Variants in PLEKHG5 observed in about 807,000 individuals in gnomAD.
PLEKHG5 encodes the protein pleckstrin homology and RhoGEF domain containing G5, also known as pleckstrin homology domain-containing family G member 5.
Under a neutral mutation model 103.8 loss-of-function variants are expected in PLEKHG5, and 52 were observed. That is an observed-to-expected ratio of 0.50 (90% CI 0.40 to 0.63). PLEKHG5 has a LOEUF of 0.63. Among genes scored for constraint, PLEKHG5 ranks in the 30% least tolerant of loss-of-function variants. PLEKHG5 has a pLI of 0.00. For missense variants in PLEKHG5, 1,205 were observed against 1,347.6 expected (o/e 0.89, Z 1.66); for synonymous variants, 592 against 575.5 (o/e 1.03, Z -0.41).
At chr1:6,474,389 C>G in intron 6 of PLEKHG5, 62 bp downstream of exon 6, 1 of 1,591,782 alleles carries the variant, frequency 6.3e-7, no homozygotes, top group Non-Finnish European at 8.6e-7. Flanking sequence ...CTGGGAAGGG[C>G]GCCCATCTCC....
In PLEKHG5 at chr1:6,487,666, T is replaced by A. The variant is rs557802511; in HGVS notation, c.-88+3971A>T. Among the ~76,000 whole-genome samples the A allele has an allele frequency of 2.8e-4, 43 of 152,308 alleles. No individual in the cohort carries two copies. The highest frequency in any genetic ancestry group is 9.6e-4 in the African/African-American group (40 of 41,564). On this transcript the variant is annotated intron_variant, in intron 1 of 20. Transcript: ENST00000377728. This position sits in a 1 kb window ranked among gnomAD's most constrained non-coding sequence, Gnocchi z 4.1. ...GTTACCTCTAAGACGTCCTTTTCCC[T>A]CATCTTAAAATAAACCACCCTTACC...
chr1:6,516,853 T>C (rs1337748966), intron 1 of PLEKHG5, among the ~76,000 whole-genome samples: 1 of 44,554 alleles, frequency 2.2e-5, no homozygotes, highest in East Asian at 6.1e-4. Context: ...TATATATGTG[T>C]GTGTATATAT....
chr1:6,492,699 C>G (rs530211658), upstream of PLEKHG5, among the ~76,000 whole-genome samples: 4 of 152,280 alleles, frequency 2.6e-5, no homozygotes, highest in South Asian at 8.3e-4. Flanking sequence ...GATGAGGAAC[C>G]TGGGGTTCAG....
At chr1:6,519,121 C>T (rs536387623) in intron 1 of PLEKHG5, among the ~76,000 whole-genome samples, 114 of 152,334 alleles carry the variant, frequency 7.5e-4, no homozygotes, top group Non-Finnish European at 1.3e-3. Flanking sequence ...GGATTACAGG[C>T]GTGAGCCACT....
upstream of PLEKHG5, chr1:6,496,924 G>A (rs1489564727): frequency 6.1e-6 from 9 of 1,481,636 alleles, no homozygotes; most frequent in South Asian, 1.0e-4. Context: ...CTGGGGGGAA[G>A]GGGCTCCAAG....
chr1:6,494,170 G>T (rs1569971012), upstream of PLEKHG5, among the ~76,000 whole-genome samples: 2 of 115,420 alleles, frequency 1.7e-5, no homozygotes, highest in Admixed American at 2.4e-4. Flanking sequence ...TGCTCTTGTT[G>T]CCCAGGCTGG....
Position 6,474,593 on chromosome 1 carries a change from C to G in PLEKHG5, c.303-6G>C, listed in dbSNP as rs1644701485. 1 of 1,613,398 alleles carries G rather than the reference C, an allele frequency of 6.2e-7. No individual in the cohort carries two copies. The highest frequency in any genetic ancestry group is 8.5e-7 in the Non-Finnish European group (1 of 1,179,952). ...ATACAGGCAGCAGCACCTCCCTGCC[C>G]CCAGGACAGGAGGCATGTGTGTTAG... On this transcript the variant is annotated splice_region_variant and splice_polypyrimidine_tract_variant and intron_variant, in intron 5 of 20. Transcript: ENST00000377728.
chr1:6,471,514 C>T lies in PLEKHG5; in HGVS notation c.1255G>A (p.Gly419Arg). Residue 419 changes from glycine to arginine, a missense_variant, in exon 12 of 21, where the codon GGG (glycine) becomes AGG (arginine). Coordinates refer to ENST00000377728, the MANE Select transcript of PLEKHG5 (RefSeq NM_020631.6). ...ATCTTGAAGCCTTTGAGGAAGTCCC[C>T]GGGCTGTAGCAGCGCTCGCGTGCGC... ...ARRTRALLQP[G>R]DFLKGFKMFG... The T allele has an allele frequency of 6.2e-7, 1 of 1,610,558 alleles. No homozygotes were observed. The highest frequency in any genetic ancestry group is 1.1e-5 in the South Asian group (1 of 90,824).
chr1:6,485,308 C>A, intron 1 of PLEKHG5: 2 of 1,372,380 alleles, frequency 1.5e-6, no homozygotes, highest in Non-Finnish European at 1.9e-6. Flanking sequence ...GTTCCCGCCC[C>A]GTCCCGGCCC....
chr1:6,505,103 C>G lies in PLEKHG5; in HGVS notation c.-164-8534G>C, dbSNP rs1487059435. ...GGATGAGGCTAATGGAGAAGAGAAC[C>G]CAGGCCCAGGCCCCGGCCCCAGACA... is the stretch of plus-strand genomic sequence containing the variant. On this transcript the variant is annotated intron_variant, in intron 1 of 21. Coordinates refer to the PLEKHG5 transcript ENST00000377740. This position sits in a 1 kb window ranked among gnomAD's most constrained non-coding sequence, Gnocchi z 4.2. 6.6e-6 allele frequency among the ~76,000 whole-genome samples: 1 copy of G among 152,140 alleles called. No homozygotes were observed. Among genetic ancestry groups the G allele is most frequent in the Non-Finnish European group, 1.5e-5 (1 of 68,028 alleles).
chr1:6,501,082 T>A (rs560876563), upstream of PLEKHG5, among the ~76,000 whole-genome samples: 1 of 152,194 alleles, frequency 6.6e-6, no homozygotes, highest in Non-Finnish European at 1.5e-5. The surrounding 1 kb of genome is among the most constrained non-coding windows in gnomAD (Gnocchi z 4.3). Context: ...AAGTCCATAT[T>A]TCTGGCTTCT....
At chr1:6,497,071 T>A (rs762362643), upstream of PLEKHG5, 1 of 1,488,964 alleles carries the variant, frequency 6.7e-7, no homozygotes, top group South Asian at 1.3e-5. The surrounding 1 kb of genome is among the most constrained non-coding windows in gnomAD (Gnocchi z 6.1). Flanking sequence ...CTGCCTCTCT[T>A]CCTGGGGGCT....
chr1:6,473,429 A>G lies in PLEKHG5; in HGVS notation c.617T>C (p.Met206Thr), dbSNP rs1223950480. ...ILAPGRRRKN[M>T]SEFLGEASIP... ...GCTCGCCTCCCCCAGGAACTCCGAC[A>G]TGTTCTTGCGGCGGCGGCCAGGGGC... The change falls in exon 8 of 21, where the codon ATG becomes ACG. Residue 206 changes from methionine (M) to threonine (T), a missense_variant. Physicochemically the swap from Met to Thr is moderately conservative, Grantham distance 81. Transcript: ENST00000377728. 1.9e-6 allele frequency: 3 copies of G among 1,539,292 alleles called. No individual in the cohort carries two copies. The highest frequency in any genetic ancestry group is 2.0e-5 in the Admixed American group (1 of 50,556).
chr1:6,471,271 G>A, intron 12 of PLEKHG5, 171 bp from the exon 13 acceptor site: 1 of 773,798 alleles, frequency 1.3e-6, no homozygotes, highest in East Asian at 2.7e-5. Flanking sequence ...CAGCCAAAGT[G>A]ACCACCCGTG....
rs139582368 is a variant in PLEKHG5, at chr1:6,486,082, G to A, written c.-88+5555C>T. The A allele has an allele frequency of 5.2e-3, 834 of 160,202 alleles. 11 individuals carry two copies. Among genetic ancestry groups the A allele is most frequent in the African/African-American group, 0.02 (806 of 40,494 alleles). The allele number at this position is 160,202 out of a possible 1,614,324, so 9.9% of individuals were successfully genotyped here. A position where few individuals can be genotyped will look rare whatever the true frequency, so the allele number is the denominator to read the frequency against. On this transcript the variant is annotated intron_variant, in intron 1 of 20. Coordinates refer to ENST00000377728, the MANE Select transcript of PLEKHG5 (RefSeq NM_020631.6). The surrounding 1 kb of genome is among the most constrained non-coding windows in gnomAD (Gnocchi z 5.3). Reference sequence around the variant, plus strand: ...CTGTGGTCCCCACCTCACCCTCAGCGCCAACACGCACGGTCCCTCCCAGCC... The same window carrying A: ...CTGTGGTCCCCACCTCACCCTCAGCACCAACACGCACGGTCCCTCCCAGCC...
intron 1 of PLEKHG5, among the ~76,000 whole-genome samples, chr1:6,508,483 C>T (rs545236849): frequency 6.6e-6 from 1 of 152,322 alleles, no homozygotes; most frequent in East Asian, 1.9e-4. Flanking sequence ...CCCAGTGGGT[C>T]AGGGGAGGCC....
chr1:6,480,402 C>T lies in PLEKHG5; in HGVS notation c.-87-2744G>A, dbSNP rs563338678. On this transcript the variant is annotated intron_variant, in intron 1 of 20. Coordinates refer to ENST00000377728, the MANE Select transcript of PLEKHG5 (RefSeq NM_020631.6). ...AAAATTAGCCAGTCGTGGCAGCGTA[C>T]GCCTGTAGTCCCAGCTACTCAGGAG... Among the ~76,000 whole-genome samples, 14 of 151,724 alleles carry T rather than the reference C, an allele frequency of 9.2e-5. No individual in the cohort carries two copies. In the East Asian group the frequency reaches 2.0e-3, roughly 21 times the overall value.
In PLEKHG5 at chr1:6,490,427, C is replaced by T; in HGVS notation, c.-88+1210G>A. 1 of 984,826 alleles carries T rather than the reference C, an allele frequency of 1.0e-6. No homozygotes were observed. Among genetic ancestry groups the T allele is most frequent in the Non-Finnish European group, 1.2e-6 (1 of 829,420 alleles). The allele number at this position is 984,826 out of a possible 1,614,324, so 61.0% of individuals were successfully genotyped here. ...CACCCCCCGTCCGGAGCGCAGCTCC[C>T]ACTTCCCCGCGACTCACCTAGGAAC... On this transcript the variant is annotated intron_variant, in intron 1 of 20. Coordinates refer to ENST00000377728, the MANE Select transcript of PLEKHG5 (RefSeq NM_020631.6). This position sits in a 1 kb window ranked among gnomAD's most constrained non-coding sequence, Gnocchi z 8.0.
rs1644489214 is a variant in PLEKHG5, at chr1:6,469,146, C to T, written c.2145G>A (p.Glu715=). ...EEEEDEQEEE[E]EEEEEEEEGE... ...CTTCCTCCTCCTCCTCCTCCTCCTCCTCTTCCTCCTCCTGCTCATCCTCCT... is the reference window on the plus strand; with the variant it reads ...CTTCCTCCTCCTCCTCCTCCTCCTCTTCTTCCTCCTCCTGCTCATCCTCCT... Residue 715 remains glutamate (E), a synonymous_variant, in exon 19 of 21, where the codon GAG becomes GAA. Coordinates refer to ENST00000377728, the MANE Select transcript of PLEKHG5 (RefSeq NM_020631.6). The T allele has an allele frequency of 6.3e-7, 1 of 1,591,830 alleles. No individual in the cohort carries two copies. The highest frequency in any genetic ancestry group is 2.2e-5 in the East Asian group (1 of 44,872).
Sources: allele counts gnomAD v4.1 joint callset (sites outside exome capture counted in the v4.1 genomes callset), GRCh38; gene constraint gnomAD v4.1.1; non-coding constraint Gnocchi (gnomAD v3.1); transcripts MANE v1.5; gene names NCBI Gene and HGNC (gene_info 2026-07-23, HGNC 2026-07-21).